The following AKAP13 variants were observed in gnomAD, a reference collection of about 807,000 sequenced individuals.
AKAP13 encodes the protein A-kinase anchor protein 13.
A neutral mutation model predicts 264.5 loss-of-function variants in AKAP13; 80 were observed. The ratio of observed to expected loss-of-function variants is 0.30; its 90% CI spans 0.25 to 0.36. The LOEUF is 0.36. AKAP13 is among the 10% of genes least tolerant of loss of function. AKAP13 has a pLI of 1.00. For missense variants in AKAP13, 3,712 were observed against 3,435.2 expected, an observed-to-expected ratio of 1.08 and a Z score of -2.01; for synonymous variants, 1,380 against 1,250.2, an observed-to-expected ratio of 1.10 and a Z score of -2.19.
intron 19 of AKAP13, among the ~76,000 whole-genome samples, chr15:85,715,130 C>A (rs1397234619): frequency 6.6e-6 from 1 of 152,090 alleles, no homozygotes; most frequent in Admixed American, 6.6e-5. Context: ...AAAGTAAATA[C>A]AACTTGGATT....
chr15:85,695,207 C>G (rs1274516380), intron 17 of AKAP13, among the ~76,000 whole-genome samples: 38 of 152,176 alleles, frequency 2.5e-4, no homozygotes, highest in Non-Finnish European at 5.9e-5. Context: ...AAATTCGAAA[C>G]CAGCCTGGCC....
intron 2 of AKAP13, among the ~76,000 whole-genome samples, chr15:85,508,701 A>G (rs2076318695): frequency 6.6e-6 from 1 of 151,932 alleles, no homozygotes; most frequent in Non-Finnish European, 1.5e-5. Flanking sequence ...CACACTAAAA[A>G]AGAAAAAGAA....
intron 12 of AKAP13, among the ~76,000 whole-genome samples, chr15:85,660,637 A>G (rs2083302585): frequency 1.3e-5 from 2 of 152,200 alleles, no homozygotes; most frequent in Admixed American, 6.5e-5. Flanking sequence ...ATTTAAGTTA[A>G]TAATGTCAAA....
chr15:85,718,921 A>G lies in AKAP13; in HGVS notation c.6002-155A>G, dbSNP rs891067885. 3.6e-5 allele frequency: 40 copies of G among 1,120,480 alleles called. No individual in the cohort carries two copies. Among genetic ancestry groups the G allele is most frequent in the Non-Finnish European group, 4.5e-5 (36 of 806,548 alleles). The allele number at this position is 1,120,480 out of a possible 1,614,324, so 69.4% of individuals were successfully genotyped here. A position where few individuals can be genotyped will look rare whatever the true frequency, so the allele number is the denominator to read the frequency against. ...CTTAAAAAAAAAACAAAAAAACAAAAAAACGAGAACACTTTTAGGGGAAAG... is the reference window on the plus strand; with the variant it reads ...CTTAAAAAAAAAACAAAAAAACAAAGAAACGAGAACACTTTTAGGGGAAAG... On this transcript the variant is annotated intron_variant, in intron 22 of 36. Coordinates refer to ENST00000394518, the MANE Select transcript of AKAP13 (RefSeq NM_007200.5). This position sits in a 1 kb window ranked among gnomAD's most constrained non-coding sequence, Gnocchi z 4.9.
At chr15:85,645,235 A>G (rs2082499397) in intron 9 of AKAP13, among the ~76,000 whole-genome samples, 1 of 152,172 alleles carries the variant, frequency 6.6e-6, no homozygotes, top group Admixed American at 6.6e-5. Flanking sequence ...TCTGTCACAG[A>G]CCCCTCCCTC....
In AKAP13 at chr15:85,744,659, T is replaced by C; in HGVS notation, c.8424T>C (p.Gly2808=). The C allele has an allele frequency of 6.2e-7, 1 of 1,611,308 alleles. No homozygotes were observed. The highest frequency in any genetic ancestry group is 8.5e-7 in the Non-Finnish European group (1 of 1,178,914). Residue 2808 remains glycine (G), a synonymous_variant, in exon 37 of 37, where the codon GGT becomes GGC. Transcript: ENST00000394518. ...DGPASEVSAE[G]EEIFC The stretch of plus-strand genomic sequence containing the variant: ...CCGCGTCAGAAGTATCAGCAGAGGG[T>C]GAAGAGATCTTCTGCTGACCCTCTT...
At chr15:85,622,006 T>G (rs1271012398) in intron 8 of AKAP13, among the ~76,000 whole-genome samples, 2 of 152,140 alleles carry the variant, frequency 1.3e-5, no homozygotes, top group African/African-American at 4.8e-5. Flanking sequence ...CTGTTTCCAG[T>G]TTGAAATAAG....
chr15:85,731,647 CTCTT>C (rs1199723800), intron 30 of AKAP13, among the ~76,000 whole-genome samples: 1 of 152,056 alleles, frequency 6.6e-6, no homozygotes, highest in Non-Finnish European at 1.5e-5. Flanking sequence ...ATCTAGTTGT[CTCTT>C]TTTTTGTGAC....
intron 13 of AKAP13, among the ~76,000 whole-genome samples, 182 bp from the exon 14 acceptor site, chr15:85,669,540 G>A (rs1596991804): frequency 6.6e-6 from 1 of 152,216 alleles, no homozygotes; most frequent in African/African-American, 2.4e-5. Flanking sequence ...CTCTGAAACT[G>A]AGCAGCTGTT....
intron 3 of AKAP13, among the ~76,000 whole-genome samples, chr15:85,529,164 G>A (rs2077172713): frequency 6.6e-6 from 1 of 152,178 alleles, no homozygotes. Flanking sequence ...GGTGTAAGGT[G>A]TAATCCCAGC....
At chr15:85,685,475 TG>T (rs2084851777) in intron 16 of AKAP13, 5 of 148,852 alleles carry the variant, frequency 3.4e-5, no homozygotes, top group Admixed American at 6.8e-5. Flanking sequence ...TGTGTGTGTG[TG>T]TGTGTGTGTG....
At chr15:85,487,075 C>T (rs1301229974) in intron 2 of AKAP13, among the ~76,000 whole-genome samples, 2 of 152,126 alleles carry the variant, frequency 1.3e-5, no homozygotes, top group Non-Finnish European at 2.9e-5. Context: ...TATAGAAATA[C>T]TGTTGATTTT....
chr15:85,556,271 G>A (rs1025076790), intron 5 of AKAP13, among the ~76,000 whole-genome samples: 15 of 152,236 alleles, frequency 9.9e-5, no homozygotes, highest in South Asian at 4.1e-4. Flanking sequence ...AATATGTACC[G>A]TACATAATTT....
At chr15:85,447,265 CAAAA>C (rs2150970056) in intron 1 of AKAP13, among the ~76,000 whole-genome samples, 1 of 149,782 alleles carries the variant, frequency 6.7e-6, no homozygotes, top group Non-Finnish European at 1.5e-5. Context: ...GATTCCATCT[CAAAA>C]TAAATAAATA....
At chr15:85,605,247 C>T (rs942304635) in intron 8 of AKAP13, among the ~76,000 whole-genome samples, 2 of 152,178 alleles carry the variant, frequency 1.3e-5, no homozygotes, top group Non-Finnish European at 2.9e-5. Context: ...TTAAAAGTTT[C>T]ACTGGGAACA....
chr15:85,522,769 A>C (rs970275530), intron 3 of AKAP13, among the ~76,000 whole-genome samples: 6 of 152,104 alleles, frequency 3.9e-5, no homozygotes, highest in African/African-American at 1.4e-4. Context: ...GAATCCTCAG[A>C]AATCATTCCT....
At chr15:85,535,971 T>G (rs577328382) in intron 4 of AKAP13, 2 of 152,350 alleles carry the variant, frequency 1.3e-5, no homozygotes, top group African/African-American at 4.8e-5. Context: ...TGCTGCTTTT[T>G]TGTGTGTTTT....
chr15:85,677,315 C>T (rs2084279711), intron 14 of AKAP13, among the ~76,000 whole-genome samples: 1 of 152,206 alleles, frequency 6.6e-6, no homozygotes, highest in African/African-American at 2.4e-5. Flanking sequence ...TACTGGCCTC[C>T]TGATTCCAGG....
At chr15:85,693,585 A>G (rs1056262253) in intron 17 of AKAP13, 134 bp downstream of exon 17, 3 of 1,418,488 alleles carry the variant, frequency 2.1e-6, no homozygotes, top group Non-Finnish European at 2.8e-6. Context: ...ATCTTTCTTT[A>G]GACATGATAA....
Sources: allele counts gnomAD v4.1 joint callset (sites outside exome capture counted in the v4.1 genomes callset), GRCh38; gene constraint gnomAD v4.1.1; non-coding constraint Gnocchi (gnomAD v3.1); transcripts MANE v1.5; gene names NCBI Gene and HGNC (gene_info 2026-07-23, HGNC 2026-07-21).